ARHGAP32: variants seen among roughly 807,000 people sequenced by gnomAD.
ARHGAP32 encodes the protein Rho GTPase activating protein 32.
In ARHGAP32, 51 loss-of-function variants were observed where a neutral mutation model predicts 186.5. The ratio of observed to expected loss-of-function variants is 0.27; its 90% CI spans 0.22 to 0.35. The LOEUF is 0.35. Among genes scored for constraint, ARHGAP32 ranks in the 10% least tolerant of loss-of-function variants. The pLI, the probability that ARHGAP32 is intolerant of heterozygous loss-of-function variation, is 1.00. For synonymous variants in ARHGAP32, 950 were observed against 964.3 expected, an observed-to-expected ratio of 0.99 and a Z score of 0.27; for missense variants, 2,186 against 2,623.5, an observed-to-expected ratio of 0.83 and a Z score of 3.64.
upstream of ARHGAP32, among the ~76,000 whole-genome samples, chr11:129,195,532 A>G (rs935746454): frequency 1.3e-5 from 2 of 151,752 alleles, no homozygotes; most frequent in Non-Finnish European, 2.9e-5. Flanking sequence ...CTGGGATTAC[A>G]GGCACCCGCC....
chr11:129,002,221 T>C (rs1163788829), intron 11 of ARHGAP32, among the ~76,000 whole-genome samples: 1 of 152,180 alleles, frequency 6.6e-6, no homozygotes, highest in Non-Finnish European at 1.5e-5. Flanking sequence ...ACTCTCCGAA[T>C]CCATGAACGT....
chr11:129,128,432 A>G (rs768094988), intron 2 of ARHGAP32, among the ~76,000 whole-genome samples: 29 of 152,208 alleles, frequency 1.9e-4, no homozygotes, highest in Non-Finnish European at 2.9e-4. Flanking sequence ...AAAGAAACTG[A>G]GTATTGTTAA....
At chr11:129,008,161 C>G (rs1227923928) in intron 11 of ARHGAP32, among the ~76,000 whole-genome samples, 1 of 152,122 alleles carries the variant, frequency 6.6e-6, no homozygotes, top group Non-Finnish European at 1.5e-5. Flanking sequence ...CTTCTTTCAG[C>G]AATAGGAAGG....
chr11:129,037,543 A>G (rs541144816), intron 11 of ARHGAP32, among the ~76,000 whole-genome samples: 1 of 152,064 alleles, frequency 6.6e-6, no homozygotes, highest in East Asian at 1.9e-4. Flanking sequence ...AATGAAAAAC[A>G]TCCCTTGTTC....
intron 6 of ARHGAP32, among the ~76,000 whole-genome samples, chr11:129,067,674 G>A (rs558148340): frequency 1.9e-4 from 29 of 152,050 alleles, no homozygotes; most frequent in East Asian, 1.2e-3. Context: ...AGCAAATCCC[G>A]ACTGTATAGC....
chr11:129,163,412 C>G (rs1943569571), intron 2 of ARHGAP32, among the ~76,000 whole-genome samples: 1 of 152,106 alleles, frequency 6.6e-6, no homozygotes, highest in Non-Finnish European at 1.5e-5. Context: ...ACGTGAAAAA[C>G]TACACTGCTG....
intron 1 of ARHGAP32, among the ~76,000 whole-genome samples, chr11:129,235,602 T>TACC (rs1944918750): frequency 6.6e-6 from 1 of 152,156 alleles, no homozygotes; most frequent in Admixed American, 6.6e-5. Context: ...GGCGCTTGGT[T>TACC]ACATGAATAA....
rs746743037 is a variant in ARHGAP32, at chr11:129,058,185, AT to A, written c.963+4094del. Among the ~76,000 whole-genome samples the A allele has an allele frequency of 1.6e-3, 93 of 58,148 alleles. 1 individual carries two copies. Among genetic ancestry groups the A allele is most frequent in the Admixed American group, 4.3e-3 (25 of 5,748 alleles). 38.1% of individuals were successfully genotyped at this position (58,148 alleles called of 152,430 possible). A position where few individuals can be genotyped will look rare whatever the true frequency, so the allele number is the denominator to read the frequency against. On this transcript the variant is annotated intron_variant, in intron 10 of 22. Transcript: ENST00000682385. Reference sequence around the variant, plus strand: ...GTTATGCCCAATAACAGAAAAAAAAATATACACACACACACACACACACACA... The same window carrying A: ...GTTATGCCCAATAACAGAAAAAAAAAATACACACACACACACACACACACA...
chr11:128,973,051 G>C lies in ARHGAP32; in HGVS notation c.3455C>G (p.Ser1152Cys). ...GTCTACTTGGTGATGTTGCTCCCCA[G>C]ATTCAGTTGTGTTGGAATGGGTAGG... is the stretch of plus-strand genomic sequence containing the variant. ...GDPTHSNTTE[S>C]GEQHHQVDLT... is the part of the protein sequence containing the mutation. Residue 1152 changes from serine to cysteine, a missense_variant, in exon 22 of 23, where the codon TCT becomes TGT. By Grantham distance (112) the Ser-to-Cys change is moderately radical. This residue lies in a region of ARHGAP32 where 1,502 missense variants were observed against 1,570.0 expected (regional missense o/e 0.96). Transcript: ENST00000682385. The C allele has an allele frequency of 6.2e-7, 1 of 1,614,150 alleles. No homozygotes were observed. Among genetic ancestry groups the C allele is most frequent in the Non-Finnish European group, 8.5e-7 (1 of 1,180,032 alleles).
intron 11 of ARHGAP32, among the ~76,000 whole-genome samples, chr11:129,033,127 T>C (rs930454765): frequency 6.6e-6 from 1 of 152,372 alleles, no homozygotes; most frequent in Middle Eastern, 3.4e-3. Context: ...CATTCATTTT[T>C]ACTGGTGTAG....
At chr11:129,075,702 C>T (rs1941016872) in intron 6 of ARHGAP32, among the ~76,000 whole-genome samples, 1 of 152,132 alleles carries the variant, frequency 6.6e-6, no homozygotes, top group Non-Finnish European at 1.5e-5. Flanking sequence ...ATTACACATG[C>T]TTCTGAGGCT....
intron 17 of ARHGAP32, 65 bp downstream of exon 17, chr11:128,981,351 T>C (rs1365758184): frequency 3.3e-5 from 49 of 1,496,576 alleles, no homozygotes; most frequent in Non-Finnish European, 4.3e-5. Flanking sequence ...AAGAAATGCA[T>C]GGTTTGCTAC....
rs1375888591 is a variant in ARHGAP32, at chr11:129,123,589, T to C, written c.360-59A>G. ...GTGAAACAGTAAAAATTACTAAGTT[T>C]AAGGGAAAAATACAGTGGATTTAAG... On this transcript the variant is annotated intron_variant, in intron 4 of 22. Coordinates refer to ENST00000682385, the MANE Select transcript of ARHGAP32 (RefSeq NM_001378024.1). This position sits in a 1 kb window ranked among gnomAD's most constrained non-coding sequence, Gnocchi z 4.6. The C allele has an allele frequency of 4.0e-6, 6 of 1,485,158 alleles. No individual in the cohort carries two copies. The Admixed American group carries it at 1.1e-4, about 27-fold the overall frequency. 92.0% of individuals were successfully genotyped at this position (1,485,158 alleles called of 1,614,324 possible). A position where few individuals can be genotyped will look rare whatever the true frequency, so the allele number is the denominator to read the frequency against.
chr11:128,971,626 G>C (rs1945377173), intron 22 of ARHGAP32: 1 of 155,154 alleles, frequency 6.4e-6, no homozygotes, highest in African/African-American at 2.4e-5. Context: ...CAAACATAGG[G>C]AAAGGCAATA....
chr11:128,983,518 T>C (rs1019935007), intron 15 of ARHGAP32, among the ~76,000 whole-genome samples: 9 of 151,106 alleles, frequency 6.0e-5, no homozygotes, highest in Non-Finnish European at 8.9e-5. Context: ...GGGGGAGGGA[T>C]AGCATTAGGA....
intron 20 of ARHGAP32, 119 bp downstream of exon 20, chr11:128,976,444 T>C: frequency 1.3e-6 from 1 of 769,084 alleles, no homozygotes; most frequent in Non-Finnish European, 2.2e-6. Flanking sequence ...ACACTAGTAT[T>C]CCTAGGAAAT....
At chr11:129,094,227 TA>T (rs1941665539) in intron 5 of ARHGAP32, among the ~76,000 whole-genome samples, 2 of 152,128 alleles carry the variant, frequency 1.3e-5, no homozygotes, top group Non-Finnish European at 2.9e-5. Context: ...TAAAATAGTA[TA>T]ACTAGATTGT....
chr11:129,022,171 A>G (rs1938622340), intron 11 of ARHGAP32, among the ~76,000 whole-genome samples: 1 of 152,150 alleles, frequency 6.6e-6, no homozygotes, highest in Admixed American at 6.5e-5. Context: ...TAACAGGACT[A>G]CCAAAATATA....
intron 1 of ARHGAP32, among the ~76,000 whole-genome samples, chr11:129,237,743 G>T (rs984375381): frequency 6.6e-6 from 1 of 152,150 alleles, no homozygotes; most frequent in African/African-American, 2.4e-5. Flanking sequence ...ACCAGGCAGG[G>T]CTTTCCAAGC....
Sources: gnomAD v4.1 joint callset for allele counts (sites outside exome capture counted in the v4.1 genomes callset) on GRCh38, gnomAD v4.1.1 for gene constraint, gnomAD v4.1.1 regional missense constraint, Gnocchi (gnomAD v3.1) non-coding constraint, MANE v1.5 for transcripts, NCBI Gene and HGNC (gene_info 2026-07-23, HGNC 2026-07-21) for gene names.